The following AFF1 variants were observed in gnomAD, a reference collection of about 807,000 sequenced individuals.
The protein encoded by AFF1 is AF4/FMR2 family member 1.
In AFF1, 48 loss-of-function variants were observed where a neutral mutation model predicts 121.7. That is an observed-to-expected ratio of 0.39 (90% CI 0.31 to 0.50). The LOEUF (loss-of-function observed/expected upper bound fraction) is 0.50, where lower values mean the gene tolerates loss of function less well. Among genes scored for constraint, AFF1 ranks in the 20% least tolerant of loss-of-function variants. AFF1 has a pLI of 0.76. For synonymous variants in AFF1, 613 were observed against 563.0 expected (o/e 1.09, Z -1.26); for missense variants, 1,523 against 1,511.7 (o/e 1.01, Z -0.12).
At chr4:87,129,396 A>G (rs1225461069) in intron 16 of AFF1, among the ~76,000 whole-genome samples, 1 of 152,222 alleles carries the variant, frequency 6.6e-6, no homozygotes, top group Non-Finnish European at 1.5e-5. Context: ...TCACAGAAAT[A>G]TGGACGTTAT....
At chr4:86,991,834 CTTTTTTTTTTTT>C (rs34804329) in intron 2 of AFF1, among the ~76,000 whole-genome samples, 1 of 113,708 alleles carries the variant, frequency 8.8e-6, no homozygotes, top group Non-Finnish European at 1.9e-5. Flanking sequence ...CTTCAAATTG[CTTTTTTTTTTTT>C]TTTTTTTTAC....
At chr4:87,092,555 A>C (rs573783564) in intron 7 of AFF1, among the ~76,000 whole-genome samples, 28 of 152,230 alleles carry the variant, frequency 1.8e-4, no homozygotes, top group African/African-American at 5.3e-4. Flanking sequence ...CCTGAGGGTT[A>C]AATCTGCCCT....
chr4:87,028,257 G>C (rs918043267), intron 2 of AFF1, among the ~76,000 whole-genome samples: 1 of 151,628 alleles, frequency 6.6e-6, no homozygotes, highest in African/African-American at 2.4e-5. Flanking sequence ...AGAGTATACT[G>C]TCCCGTAAAT....
chr4:86,946,134 G>A (rs535251495), intron 1 of AFF1, among the ~76,000 whole-genome samples: 3 of 152,124 alleles, frequency 2.0e-5, no homozygotes, highest in South Asian at 4.1e-4. Context: ...TATCAGTCCC[G>A]AGGACCCTTT....
chr4:86,990,764 A>C (rs1278526072), intron 2 of AFF1, among the ~76,000 whole-genome samples: 1 of 152,198 alleles, frequency 6.6e-6, no homozygotes, highest in African/African-American at 2.4e-5. Flanking sequence ...GAATAAATGC[A>C]TGAGTACTGA....
intron 2 of AFF1, among the ~76,000 whole-genome samples, chr4:87,028,675 A>AT (rs529219220): frequency 6.6e-6 from 1 of 152,130 alleles, no homozygotes; most frequent in African/African-American, 2.4e-5. Flanking sequence ...TTAAAGATAA[A>AT]TTTTTTAGAA....
chr4:87,052,024 C>T (rs1731317764), intron 4 of AFF1, among the ~76,000 whole-genome samples: 1 of 152,112 alleles, frequency 6.6e-6, no homozygotes, highest in East Asian at 1.9e-4. Context: ...TGAGGAGGCA[C>T]CTTTCACAGA....
At chr4:87,038,819 T>G (rs944756815) in intron 2 of AFF1, among the ~76,000 whole-genome samples, 1 of 152,202 alleles carries the variant, frequency 6.6e-6, no homozygotes, top group Non-Finnish European at 1.5e-5. Flanking sequence ...TCCATCCTTA[T>G]GAAGATAAAT....
chr4:87,120,715 C>A (rs1164515767), intron 12 of AFF1, among the ~76,000 whole-genome samples: 1 of 152,194 alleles, frequency 6.6e-6, no homozygotes, highest in East Asian at 1.9e-4. Context: ...CACTCAGTGC[C>A]CACACACATT....
chr4:87,016,585 A>G (rs1051879516), intron 2 of AFF1, among the ~76,000 whole-genome samples: 5 of 151,948 alleles, frequency 3.3e-5, no homozygotes, highest in Admixed American at 6.6e-5. Flanking sequence ...ATTGAAGTCT[A>G]TTTTATATAT....
intron 2 of AFF1, among the ~76,000 whole-genome samples, chr4:86,988,855 A>C (rs1000372897): frequency 4.6e-5 from 7 of 152,176 alleles, no homozygotes; most frequent in African/African-American, 1.7e-4. Flanking sequence ...GACCAATGGA[A>C]CAGATCAGAG....
chr4:87,044,752 A>G (rs1560568714), intron 2 of AFF1, among the ~76,000 whole-genome samples: 3 of 152,166 alleles, frequency 2.0e-5, no homozygotes, highest in East Asian at 3.8e-4. Flanking sequence ...CAGTAAAGAG[A>G]GCCTGGTGGA....
intron 2 of AFF1, among the ~76,000 whole-genome samples, chr4:86,966,869 C>T (rs576823877): frequency 2.0e-5 from 3 of 152,334 alleles, no homozygotes; most frequent in South Asian, 2.1e-4. Flanking sequence ...ACCATATCTC[C>T]TACACTTTAG....
chr4:86,998,236 T>C (rs1465134779), intron 2 of AFF1, among the ~76,000 whole-genome samples: 3 of 152,164 alleles, frequency 2.0e-5, no homozygotes, highest in Admixed American at 6.5e-5. Flanking sequence ...TCCTCATCAT[T>C]GGCCTGCTGT....
intron 1 of AFF1, among the ~76,000 whole-genome samples, chr4:86,936,920 T>G (rs565590184): frequency 6.6e-6 from 1 of 152,338 alleles, no homozygotes; most frequent in South Asian, 2.1e-4. Context: ...AGAAACTCAC[T>G]GGAATTAAGC....
chr4:87,028,711 G>A (rs902796139), intron 2 of AFF1, among the ~76,000 whole-genome samples: 15 of 152,214 alleles, frequency 9.9e-5, no homozygotes, highest in Admixed American at 4.6e-4. Flanking sequence ...CTGAAGGAAA[G>A]TGGAGACTCA....
intron 2 of AFF1, among the ~76,000 whole-genome samples, chr4:87,005,175 C>T (rs1726005260): frequency 6.6e-6 from 1 of 152,182 alleles, no homozygotes; most frequent in African/African-American, 2.4e-5. Flanking sequence ...TGGGGTCTCA[C>T]CATGTTGTCC....
In AFF1 at chr4:87,127,162, TG is replaced by T. The variant is rs766506699; in HGVS notation, c.2903+46del. The stretch of plus-strand genomic sequence containing the variant: ...CTTCTTGCTCTGTTTTGTTTTGTTT[TG>T]CTTCCCCCCCCCACCAAGATAGAGT... On this transcript the variant is annotated intron_variant, in intron 15 of 20. Coordinates refer to ENST00000395146, the MANE Select transcript of AFF1 (RefSeq NM_001166693.3). 25 of 1,344,136 alleles carry T rather than the reference TG, an allele frequency of 1.9e-5. 1 individual carries two copies. The highest frequency in any genetic ancestry group is 1.9e-5 in the Admixed American group (1 of 53,530). 83.3% of individuals were successfully genotyped at this position (1,344,136 alleles called of 1,614,324 possible). A position where few individuals can be genotyped will look rare whatever the true frequency, so the allele number is the denominator to read the frequency against.
chr4:87,013,422 G>A (rs1483234503), intron 2 of AFF1, among the ~76,000 whole-genome samples: 2 of 150,654 alleles, frequency 1.3e-5, no homozygotes, highest in Non-Finnish European at 1.5e-5. Context: ...AATCCCAGGG[G>A]TAAACATCTT....
Sources: allele counts gnomAD v4.1 joint callset (sites outside exome capture counted in the v4.1 genomes callset), GRCh38; gene constraint gnomAD v4.1.1; transcripts MANE v1.5; gene names NCBI Gene and HGNC (gene_info 2026-07-23, HGNC 2026-07-21).